Variants in POP1 observed in about 807,000 individuals in gnomAD.
POP1 encodes the protein POP1 ribonuclease P/MRP subunit.
Under a neutral mutation model 102.2 loss-of-function variants are expected in POP1, and 75 were observed. That is an observed-to-expected ratio of 0.73 (90% CI 0.61 to 0.89). The LOEUF is 0.89. Among genes scored for constraint, POP1 ranks in the 40% least tolerant of loss-of-function variants. The pLI is 0.00. For synonymous variants in POP1, 436 were observed against 464.1 expected, an observed-to-expected ratio of 0.94 and a Z score of 0.78; for missense variants, 1,116 against 1,267.4, an observed-to-expected ratio of 0.88 and a Z score of 1.81.
chr8:98,131,670 T>C (rs574609158), intron 5 of POP1, among the ~76,000 whole-genome samples: 1 of 152,344 alleles, frequency 6.6e-6, no homozygotes, highest in East Asian at 1.9e-4. Flanking sequence ...TTATGTTTAA[T>C]TTTTTGAGGT....
intron 4 of POP1, among the ~76,000 whole-genome samples, chr8:98,129,391 C>T (rs756135723): frequency 6.6e-5 from 10 of 152,148 alleles, no homozygotes; most frequent in Non-Finnish European, 1.3e-4. Context: ...GAGCAGCCTT[C>T]TATGTACCAT....
intron 2 of POP1, among the ~76,000 whole-genome samples, chr8:98,125,491 C>G (rs1371617298): frequency 1.3e-5 from 2 of 151,002 alleles, no homozygotes; most frequent in Non-Finnish European, 3.0e-5. Context: ...CGGCCACAGA[C>G]AGATATTTAA....
chr8:98,151,082 CTGTT>C (rs899170382), intron 14 of POP1, among the ~76,000 whole-genome samples: 1 of 149,444 alleles, frequency 6.7e-6, no homozygotes, highest in African/African-American at 2.5e-5. Context: ...GAGATAAGTA[CTGTT>C]TGTTTGTTTG....
Position 98,140,835 on chromosome 8 carries a change from T to C in POP1, c.1541T>C (p.Ile514Thr), listed in dbSNP as rs371577307. Residue 514 changes from isoleucine (I) to threonine (T), a missense_variant, in exon 11 of 16, where the codon ATA becomes ACA. By Grantham distance (89) the Ile-to-Thr change is moderately conservative. Transcript: ENST00000401707. Reference protein sequence around the residue: ...ILGLTVGDPRINLPQKKSKAL... With the variant: ...ILGLTVGDPRTNLPQKKSKAL... ...GGACTGACAGTTGGGGATCCTCGAA[T>C]AAATTTGCCCCAAAAGAAGTCCAAA... The C allele has an allele frequency of 6.8e-6, 11 of 1,614,014 alleles. No homozygotes were observed. The highest frequency in any genetic ancestry group is 9.3e-6 in the Non-Finnish European group (11 of 1,179,870).
intron 9 of POP1, among the ~76,000 whole-genome samples, chr8:98,137,677 TGA>T (rs1414813887): frequency 6.6e-6 from 1 of 152,186 alleles, no homozygotes; most frequent in African/African-American, 2.4e-5. Flanking sequence ...GAGCTTTCTG[TGA>T]GGATGATGTT....
At chr8:98,134,402 G>A in intron 6 of POP1, 70 bp from the exon 7 acceptor site, 14 of 1,473,860 alleles carry the variant, frequency 9.5e-6, no homozygotes, top group Non-Finnish European at 1.3e-5. Flanking sequence ...AAATGACAGT[G>A]TGGTTATCAG....
chr8:98,133,901 G>T, intron 5 of POP1, 48 bp from the exon 6 acceptor site: 1 of 1,396,708 alleles, frequency 7.2e-7, no homozygotes. Context: ...TAGCAGTTTT[G>T]CCTGTGTAAA....
chr8:98,121,166 G>T (rs990091781), intron 1 of POP1, among the ~76,000 whole-genome samples: 1 of 152,184 alleles, frequency 6.6e-6, no homozygotes, highest in Non-Finnish European at 1.5e-5. Context: ...CTAAGATTAT[G>T]TAACTAAAAA....
At chr8:98,150,169 T>C (rs1262912406) in intron 13 of POP1, among the ~76,000 whole-genome samples, 1 of 152,258 alleles carries the variant, frequency 6.6e-6, no homozygotes, top group East Asian at 1.9e-4. Context: ...TATAGCTTTA[T>C]TAAAGTATGT....
chr8:98,134,942 C>T (rs113010128), intron 7 of POP1, among the ~76,000 whole-genome samples: 1 of 152,120 alleles, frequency 6.6e-6, no homozygotes, highest in Non-Finnish European at 1.5e-5. Context: ...TCCATCACCA[C>T]CCATGCTGTA....
rs145484648 is a variant in POP1, at chr8:98,123,347, G to C, written c.10G>C (p.Ala4Pro). The C allele has an allele frequency of 1.9e-5, 30 of 1,613,412 alleles. No homozygotes were observed. The highest frequency in any genetic ancestry group is 1.5e-4 in the Admixed American group (9 of 59,978). ...TACTTCCTTTCCAGAAATGTCAAAT[G>C]CAAAAGAAAGAAAACACGCCAAGAA... MSNAKERKHAKKMR... is the reference protein window; with the variant it reads MSNPKERKHAKKMR... Residue 4 changes from alanine to proline, a missense_variant, in exon 2 of 16, where the codon GCA becomes CCA. Coordinates refer to ENST00000401707, the MANE Select transcript of POP1 (RefSeq NM_001145860.2).
intron 9 of POP1, among the ~76,000 whole-genome samples, chr8:98,139,436 A>G (rs551257369): frequency 6.6e-6 from 1 of 152,288 alleles, no homozygotes; most frequent in East Asian, 1.9e-4. Flanking sequence ...CTCTAGTGGA[A>G]GAGGACCAGG....
intron 9 of POP1, among the ~76,000 whole-genome samples, 179 bp downstream of exon 9, chr8:98,137,133 C>G (rs1816570282): frequency 6.6e-6 from 1 of 152,294 alleles, no homozygotes; most frequent in Non-Finnish European, 1.5e-5. Flanking sequence ...AAGACCACAA[C>G]TAAGTGGATA....
intron 14 of POP1, among the ~76,000 whole-genome samples, chr8:98,151,721 A>G (rs1224859902): frequency 6.7e-6 from 1 of 148,612 alleles, no homozygotes; most frequent in Non-Finnish European, 1.5e-5. Flanking sequence ...CTATAGAGAC[A>G]GGCAGTCTGC....
At chr8:98,133,501 C>G (rs1249248856) in intron 5 of POP1, among the ~76,000 whole-genome samples, 1 of 152,090 alleles carries the variant, frequency 6.6e-6, no homozygotes, top group Non-Finnish European at 1.5e-5. Context: ...ATTGAGCAAC[C>G]TGAGCATAAT....
In POP1 at chr8:98,123,385, G is replaced by A. The variant is rs1342929667; in HGVS notation, c.48G>A (p.Gln16=). 4 of 1,614,086 alleles carry A rather than the reference G, an allele frequency of 2.5e-6. No homozygotes were observed. In the South Asian group the frequency reaches 4.4e-5, roughly 18 times the overall value. The stretch of plus-strand genomic sequence containing the variant: ...AACACGCCAAGAAAATGAGAAACCA[G>A]CCTACCAATGTGACTCTGTCCTCTG... ...ERKHAKKMRN[Q]PTNVTLSSGF... The change falls in exon 2 of 16, where the codon CAG becomes CAA. Residue 16 remains glutamine (Q), a synonymous_variant. Coordinates refer to ENST00000401707, the MANE Select transcript of POP1 (RefSeq NM_001145860.2).
Position 98,130,354 on chromosome 8 carries a change from A to G in POP1, c.735+128A>G, listed in dbSNP as rs1289013217. 5 of 1,382,952 alleles carry G rather than the reference A, an allele frequency of 3.6e-6. No individual in the cohort carries two copies. The African/African-American group carries it at 5.8e-5, about 16-fold the overall frequency. 85.7% of individuals were successfully genotyped at this position (1,382,952 alleles called of 1,614,324 possible). ...TTCATTTTAAAAATAATTCCTGAGC[A>G]TGAAGCCCGGGTCCTTTGCCAGATG... On this transcript the variant is annotated intron_variant, in intron 5 of 15. Coordinates refer to ENST00000401707, the MANE Select transcript of POP1 (RefSeq NM_001145860.2).
chr8:98,136,351 C>T (rs1586237508), intron 7 of POP1, 131 bp from the exon 8 acceptor site: 5 of 941,844 alleles, frequency 5.3e-6, no homozygotes, highest in Non-Finnish European at 7.7e-6. Context: ...GCTGGGATTA[C>T]AGGTATGAGC....
chr8:98,136,057 C>A (rs4543513), intron 7 of POP1, among the ~76,000 whole-genome samples: 129,936 of 151,550 alleles, frequency 0.86, 55,860 homozygotes, highest in African/African-American at 0.92. Flanking sequence ...TGAGGGAATA[C>A]AAATGTGATT....
Sources: allele counts gnomAD v4.1 joint callset (sites outside exome capture counted in the v4.1 genomes callset), GRCh38; gene constraint gnomAD v4.1.1; transcripts MANE v1.5; gene names NCBI Gene and HGNC (gene_info 2026-07-23, HGNC 2026-07-21).